Variants in LRRC4B observed in about 807,000 individuals in gnomAD.
LRRC4B encodes the protein leucine-rich repeat-containing protein 4B.
A neutral mutation model predicts 7.3 loss-of-function variants in LRRC4B; 1 was observed. That is an observed-to-expected ratio of 0.14 (90% CI 0.05 to 0.65). The LOEUF is 0.65. Ranked by LOEUF, LRRC4B falls within the 30% of genes least tolerant of loss-of-function variation. The pLI is 0.84. For synonymous variants in LRRC4B, 500 were observed against 499.2 expected (o/e 1.00, Z -0.02); for missense variants, 730 against 1,041.6 (o/e 0.70, Z 4.12).
intron 2 of LRRC4B, among the ~76,000 whole-genome samples, chr19:50,528,239 C>T (rs1198485225): frequency 1.3e-5 from 2 of 152,088 alleles, no homozygotes; most frequent in Non-Finnish European, 2.9e-5. Flanking sequence ...TGGGGTCTTG[C>T]TGTGTTGCCC....
chr19:50,543,680 C>T (rs1362787790), intron 2 of LRRC4B, among the ~76,000 whole-genome samples: 2 of 150,632 alleles, frequency 1.3e-5, no homozygotes, highest in Non-Finnish European at 3.0e-5. Context: ...GGTGAAACCC[C>T]GTCTCTACTA....
intron 2 of LRRC4B, among the ~76,000 whole-genome samples, chr19:50,533,241 T>G (rs963501075): frequency 6.6e-6 from 1 of 152,220 alleles, no homozygotes; most frequent in African/African-American, 2.4e-5. Flanking sequence ...TTTTTATAGC[T>G]TATTCTTTCC....
chr19:50,543,077 C>T (rs1227741628), intron 2 of LRRC4B, among the ~76,000 whole-genome samples: 7 of 152,174 alleles, frequency 4.6e-5, no homozygotes, highest in African/African-American at 1.7e-4. Context: ...CAGATGGCTG[C>T]AGGCCTCTGC....
In LRRC4B at chr19:50,542,913, G is replaced by A. The variant is rs12104353; in HGVS notation, c.297+5629C>T. On this transcript the variant is annotated intron_variant, in intron 2 of 2. Coordinates refer to ENST00000652263, the MANE Select transcript of LRRC4B (RefSeq NM_001080457.2). The stretch of plus-strand genomic sequence containing the variant: ...AGCTTCCCAGAGAGAGGCCAGCACC[G>A]TCACCCCGTGGACTTAGAGTCCCCC... 2.6e-3 allele frequency among the ~76,000 whole-genome samples: 401 copies of A among 152,232 alleles called. 1 individual carries two copies. Among genetic ancestry groups the A allele is most frequent in the African/African-American group, 8.9e-3 (369 of 41,546 alleles).
At chr19:50,564,152 G>A (rs1013230908) in intron 1 of LRRC4B, among the ~76,000 whole-genome samples, 2 of 152,188 alleles carry the variant, frequency 1.3e-5, no homozygotes, top group African/African-American at 4.8e-5. Flanking sequence ...AGAGGGGAGA[G>A]TGGGGAGTGG....
chr19:50,548,590 G>T lies in LRRC4B; in HGVS notation c.249C>A (p.Ser83Arg). ...TRRDLAEVPA[S>R]IPVNTRYLNL... ...TCAGGTACCGCGTGTTGACCGGGATGCTGGCTGGGACCTCGGCCAGGTCTC... is the reference window on the plus strand; with the variant it reads ...TCAGGTACCGCGTGTTGACCGGGATTCTGGCTGGGACCTCGGCCAGGTCTC... The change falls in exon 2 of 3, where the codon AGC becomes AGA. Residue 83 changes from serine (S) to arginine (R), a missense_variant. Coordinates refer to ENST00000652263, the MANE Select transcript of LRRC4B (RefSeq NM_001080457.2). This position sits in a 1 kb window ranked among gnomAD's most constrained non-coding sequence, Gnocchi z 6.8. 6.2e-7 allele frequency: 1 copy of T among 1,603,596 alleles called. No individual in the cohort carries two copies.
intron 2 of LRRC4B, among the ~76,000 whole-genome samples, chr19:50,540,010 T>C (rs981365842): frequency 3.3e-5 from 5 of 152,152 alleles, no homozygotes; most frequent in Non-Finnish European, 7.4e-5. Context: ...CTGTTGACCT[T>C]CCTGGGTGTT....
At chr19:50,546,684 C>G (rs1371813201) in intron 2 of LRRC4B, among the ~76,000 whole-genome samples, 1 of 152,116 alleles carries the variant, frequency 6.6e-6, no homozygotes, top group South Asian at 2.1e-4. Context: ...AATGAATGTA[C>G]GTCCGCTGGT....
At chr19:50,541,992 G>C (rs936434932) in intron 2 of LRRC4B, among the ~76,000 whole-genome samples, 1 of 152,154 alleles carries the variant, frequency 6.6e-6, no homozygotes, top group African/African-American at 2.4e-5. Flanking sequence ...AGAAACACAG[G>C]CCGAGCGAAC....
rs1214300046 is a variant in LRRC4B at position 50,519,143 on chromosome 19, G to A, written c.570C>T (p.Gly190=). 1.2e-6 allele frequency: 2 copies of A among 1,612,938 alleles called. No homozygotes were observed. The highest frequency in any genetic ancestry group is 1.1e-5 in the South Asian group (1 of 91,072). ...AGATGTATTCCAGCCGCTTGAGCTC[G>A]CCCAGGTCCAGGCGCCGCAGCGAGG... The part of the protein sequence containing the change: ...RVPSLRRLDL[G]ELKRLEYISE... Residue 190 remains glycine, a synonymous_variant, in exon 3 of 3, where the codon GGC becomes GGT. Coordinates refer to ENST00000652263, the MANE Select transcript of LRRC4B (RefSeq NM_001080457.2). This position sits in a 1 kb window ranked among gnomAD's most constrained non-coding sequence, Gnocchi z 8.1.
chr19:50,549,461 AC>A (rs1303007652), intron 1 of LRRC4B, among the ~76,000 whole-genome samples: 1 of 134,878 alleles, frequency 7.4e-6, no homozygotes, highest in Non-Finnish European at 1.6e-5. Flanking sequence ...CATTTCCCCC[AC>A]CCCCTGTGCC....
At position 50,518,218 on chromosome 19, in the gene LRRC4B, G is replaced by C. The variant is rs769819910; in HGVS notation, c.1495C>G (p.Pro499Ala). The change falls in exon 3 of 3, where the codon CCC becomes GCC. Residue 499 changes from proline to alanine, a missense_variant. Transcript: ENST00000652263. ...CGCGGCTGCAGGGCCTCCTCTCCGG[G>C]CTGCGTCTCCAGGGTCTCCACGGTC... ...TVTVETLETQ[P>A]GEEALQPRGT... 3 of 1,608,770 alleles carry C rather than the reference G, an allele frequency of 1.9e-6. No homozygotes were observed. The African/African-American group carries it at 4.0e-5, about 21-fold the overall frequency.
chr19:50,537,474 G>A lies in LRRC4B; in HGVS notation c.297+11068C>T, dbSNP rs909140123. Among the ~76,000 whole-genome samples, 2 of 152,144 alleles carry A rather than the reference G, an allele frequency of 1.3e-5. No individual in the cohort carries two copies. The highest frequency in any genetic ancestry group is 4.8e-5 in the African/African-American group (2 of 41,428). On this transcript the variant is annotated intron_variant, in intron 2 of 2. Coordinates refer to ENST00000652263, the MANE Select transcript of LRRC4B (RefSeq NM_001080457.2). This position sits in a 1 kb window ranked among gnomAD's most constrained non-coding sequence, Gnocchi z 5.5. ...GGCAGGCTCAGAGAGGTGACTCAACGCCTTAGCGTCATTCGTGGAGGGGAG... is the reference window on the plus strand; with the variant it reads ...GGCAGGCTCAGAGAGGTGACTCAACACCTTAGCGTCATTCGTGGAGGGGAG...
intron 2 of LRRC4B, among the ~76,000 whole-genome samples, chr19:50,529,655 A>AT (rs1490830244): frequency 6.6e-6 from 1 of 152,084 alleles, no homozygotes; most frequent in Non-Finnish European, 1.5e-5. Context: ...AAACACAAAA[A>AT]TTAGCTGGGC....
chr19:50,528,929 G>C (rs903372142), intron 2 of LRRC4B, among the ~76,000 whole-genome samples: 8 of 152,170 alleles, frequency 5.3e-5, no homozygotes, highest in African/African-American at 1.9e-4. Context: ...TCTGCACCCA[G>C]CCGGAGATGC....
intron 1 of LRRC4B, among the ~76,000 whole-genome samples, chr19:50,551,866 C>T (rs891021598): frequency 1.3e-5 from 2 of 151,780 alleles, no homozygotes; most frequent in Admixed American, 6.6e-5. Flanking sequence ...CCTCCCTCCC[C>T]ACCCCTCCCT....
intron 2 of LRRC4B, among the ~76,000 whole-genome samples, chr19:50,533,345 G>T (rs967341350): frequency 2.0e-5 from 3 of 151,904 alleles, no homozygotes; most frequent in Non-Finnish European, 2.9e-5. Flanking sequence ...ATTATTTAGT[G>T]GTTACCCTTA....
In LRRC4B at chr19:50,553,688, C is replaced by T. The variant is rs888623262; in HGVS notation, c.-35-4815G>A. Among the ~76,000 whole-genome samples, 2 of 152,152 alleles carry T rather than the reference C, an allele frequency of 1.3e-5. No individual in the cohort carries two copies. The highest frequency in any genetic ancestry group is 4.8e-5 in the African/African-American group (2 of 41,430). On this transcript the variant is annotated intron_variant, in intron 1 of 2. Coordinates refer to ENST00000652263, the MANE Select transcript of LRRC4B (RefSeq NM_001080457.2). This position sits in a 1 kb window ranked among gnomAD's most constrained non-coding sequence, Gnocchi z 4.2. Reference sequence around the variant, plus strand: ...CAGCATCTGAGCTTTTATATGGGTCCGTGCGCTTGAAGGCAAGTTTCCCGA... The same window carrying T: ...CAGCATCTGAGCTTTTATATGGGTCTGTGCGCTTGAAGGCAAGTTTCCCGA...
intron 1 of LRRC4B, among the ~76,000 whole-genome samples, chr19:50,552,021 C>A (rs753552977): frequency 6.6e-6 from 1 of 151,918 alleles, no homozygotes; most frequent in African/African-American, 2.4e-5. Context: ...TCTGGGCAGC[C>A]GAGGAGGCAG....
Sources: gnomAD v4.1 joint callset for allele counts (sites outside exome capture counted in the v4.1 genomes callset) on GRCh38, gnomAD v4.1.1 for gene constraint, Gnocchi (gnomAD v3.1) non-coding constraint, MANE v1.5 for transcripts, NCBI Gene and HGNC (gene_info 2026-07-23, HGNC 2026-07-21) for gene names.